Variants in SEPTIN6 observed in about 807,000 individuals in gnomAD.
The protein encoded by SEPTIN6 is septin-6.
A neutral mutation model predicts 33.6 loss-of-function variants in SEPTIN6; 8 were observed. That is an observed-to-expected ratio of 0.24 (90% CI 0.14 to 0.43). The LOEUF (loss-of-function observed/expected upper bound fraction) is 0.43. SEPTIN6 is among the 20% of genes least tolerant of loss of function. The probability of loss-of-function intolerance (pLI) is 1.00; values close to 1 mark genes in which losing one functional copy is unlikely to be tolerated. For synonymous variants in SEPTIN6, 131 were observed against 140.0 expected, an observed-to-expected ratio of 0.94 and a Z score of 0.45; for missense variants, 250 against 340.8, an observed-to-expected ratio of 0.73 and a Z score of 2.10.
chrX:119,619,524 T>C lies in SEPTIN6; in HGVS notation c.*569A>G, dbSNP rs2053714220. 5 of 815,380 alleles carry C rather than the reference T, an allele frequency of 6.1e-6. No homozygotes were observed. In the South Asian group the frequency reaches 3.3e-4, roughly 53 times the overall value. 67.2% of individuals were successfully genotyped at this position (815,380 alleles called of 1,213,427 possible). On this transcript the variant is annotated 3_prime_UTR_variant, in exon 11 of 11. Coordinates refer to ENST00000394610, the MANE Select transcript of SEPTIN6 (RefSeq NM_145799.4). Reference sequence around the variant, plus strand: ...ACTGGAAAGGGCTGGACTCAAAGGTTAGAAGGAAAAGGCGCCAAAGGCTGT... The same window carrying C: ...ACTGGAAAGGGCTGGACTCAAAGGTCAGAAGGAAAAGGCGCCAAAGGCTGT...
chrX:119,624,550 G>A (rs953271527), intron 10 of SEPTIN6, among the ~76,000 whole-genome samples: 5 of 111,101 alleles, frequency 4.5e-5, no homozygotes, highest in African/African-American at 1.3e-4. Context: ...TGCCACCAGC[G>A]GGAAACAGAG....
intron 1 of SEPTIN6, among the ~76,000 whole-genome samples, chrX:119,678,865 C>T (rs1603350703): frequency 9.0e-6 from 1 of 111,615 alleles, no homozygotes. Flanking sequence ...TCAAGTGCTC[C>T]AAAGTCAAAA....
At chrX:119,658,523 C>T (rs2054490203) in intron 3 of SEPTIN6, among the ~76,000 whole-genome samples, 1 of 111,951 alleles carries the variant, frequency 8.9e-6, no homozygotes, top group Admixed American at 9.5e-5. Context: ...TTCTCAGGAG[C>T]ATGTGCAACT....
At chrX:119,638,710 T>C (rs1326486365) in intron 6 of SEPTIN6, among the ~76,000 whole-genome samples, 3 of 111,851 alleles carry the variant, frequency 2.7e-5, no homozygotes, top group Non-Finnish European at 5.6e-5. Flanking sequence ...ATATTAAAGA[T>C]GACATCAGTA....
chrX:119,663,965 GT>G lies in SEPTIN6; in HGVS notation c.146-289del, dbSNP rs960074071. Among the ~76,000 whole-genome samples, 3 of 109,961 alleles carry G rather than the reference GT, an allele frequency of 2.7e-5. 1 individual carries two copies. The highest frequency in any genetic ancestry group is 5.7e-5 in the Non-Finnish European group (3 of 52,512). On this transcript the variant is annotated intron_variant, in intron 2 of 10. Coordinates refer to ENST00000394610, the MANE Select transcript of SEPTIN6 (RefSeq NM_145799.4). ...GGAAATTTTACCTTGAGTATACATT[GT>G]TTTTTTTGTTGTTGTTTGTTTGTTT...
chrX:119,671,500 G>T (rs1012078340), intron 2 of SEPTIN6, among the ~76,000 whole-genome samples: 4 of 110,163 alleles, frequency 3.6e-5, no homozygotes, highest in Non-Finnish European at 7.6e-5. Flanking sequence ...GTGTTAGCCA[G>T]GATGGTCTCG....
chrX:119,676,940 A>C (rs1479428420), intron 1 of SEPTIN6, among the ~76,000 whole-genome samples: 4 of 111,842 alleles, frequency 3.6e-5, no homozygotes, highest in African/African-American at 6.5e-5. Flanking sequence ...TAAACTTCTT[A>C]AGTTTTCCCC....
At chrX:119,643,934 C>T (rs1476696302) in intron 5 of SEPTIN6, among the ~76,000 whole-genome samples, 1 of 111,813 alleles carries the variant, frequency 8.9e-6, no homozygotes, top group Non-Finnish European at 1.9e-5. Context: ...CTCTGTTCCA[C>T]TGCTTTTGAG....
chrX:119,645,737 G>A lies in SEPTIN6; in HGVS notation c.690+4200C>T, dbSNP rs770860431. Reference sequence around the variant, plus strand: ...AGTAGAGACGGGGTTTCACCATGTTGGCCAGGATGGTCTCGATCTCTTGAC... The same window carrying A: ...AGTAGAGACGGGGTTTCACCATGTTAGCCAGGATGGTCTCGATCTCTTGAC... On this transcript the variant is annotated intron_variant, in intron 5 of 10. Transcript: ENST00000394610. Among the ~76,000 whole-genome samples the A allele has an allele frequency of 5.4e-5, 6 of 110,867 alleles. No homozygotes were observed. The East Asian group carries it at 8.5e-4, about 16-fold the overall frequency.
At chrX:119,661,813 A>G (rs774523747) in intron 3 of SEPTIN6, among the ~76,000 whole-genome samples, 14 of 111,604 alleles carry the variant, frequency 1.3e-4, no homozygotes, top group Non-Finnish European at 2.5e-4. Context: ...ATCTCAGCTC[A>G]CTGCAACCCT....
chrX:119,654,911 C>T (rs1351018901), intron 3 of SEPTIN6, among the ~76,000 whole-genome samples: 2 of 111,374 alleles, frequency 1.8e-5, no homozygotes, highest in Admixed American at 1.9e-4. Context: ...AGGTTCCTGA[C>T]GAATTTGGAG....
intron 2 of SEPTIN6, among the ~76,000 whole-genome samples, chrX:119,674,378 C>T (rs1332674560): frequency 7.3e-5 from 8 of 110,120 alleles, no homozygotes; most frequent in African/African-American, 2.6e-4. Flanking sequence ...GGGGTTTCAC[C>T]GTGTTAGCCA....
Position 119,617,900 on chromosome X carries a change from T to C in SEPTIN6, c.*2193A>G. ...GCTGTGTGGGTCTAATACTTTTGAATTATTCAGAGCTTCTCAAGCCTTAAC... is the reference window on the plus strand; with the variant it reads ...GCTGTGTGGGTCTAATACTTTTGAACTATTCAGAGCTTCTCAAGCCTTAAC... On this transcript the variant is annotated 3_prime_UTR_variant, in exon 11 of 11. Coordinates refer to ENST00000394610, the MANE Select transcript of SEPTIN6 (RefSeq NM_145799.4). The C allele has an allele frequency of 2.5e-5, 20 of 802,964 alleles. No homozygotes were observed. The highest frequency in any genetic ancestry group is 2.5e-5 in the Non-Finnish European group (17 of 668,734). 66.2% of individuals were successfully genotyped at this position (802,964 alleles called of 1,213,427 possible).
At chrX:119,636,991 C>T in intron 7 of SEPTIN6, 36 bp downstream of exon 7, 3 of 1,181,658 alleles carry the variant, frequency 2.5e-6, no homozygotes, top group South Asian at 3.8e-5. Flanking sequence ...CTGAGCTGAG[C>T]TGGGCTGGGC....
At chrX:119,669,385 T>C (rs1420683524) in intron 2 of SEPTIN6, among the ~76,000 whole-genome samples, 1 of 112,451 alleles carries the variant, frequency 8.9e-6, no homozygotes, top group Non-Finnish European at 1.9e-5. Flanking sequence ...GTTCTGAATG[T>C]TGAACCCAGA....
chrX:119,639,636 T>A (rs1349239403), intron 6 of SEPTIN6, among the ~76,000 whole-genome samples: 1 of 111,564 alleles, frequency 9.0e-6, no homozygotes, highest in Non-Finnish European at 1.9e-5. Context: ...CTCATCCCCC[T>A]CTATCCCTCA....
At position 119,618,895 on chromosome X, in the gene SEPTIN6, A is replaced by G. The variant is rs950342386; in HGVS notation, c.*1198T>C. 14 of 1,153,592 alleles carry G rather than the reference A, an allele frequency of 1.2e-5. No homozygotes were observed. In the African/African-American group the frequency reaches 2.0e-4, roughly 16 times the overall value. ...ACACCAAAGGCCACTGTGCCTCATA[A>G]CCCTGACAAGGGAGGGCTCTCTACT... On this transcript the variant is annotated 3_prime_UTR_variant, in exon 11 of 11. Transcript: ENST00000394610.
rs749453946 is a variant in SEPTIN6 at position 119,640,684 on chromosome X, T to C, written c.787+8A>G. On this transcript the variant is annotated splice_region_variant and intron_variant, in intron 6 of 10. Transcript: ENST00000394610. Reference sequence around the variant, plus strand: ...CCTGTGTGTAGCCCTTCCCGGAGACTCACTCACCCTGCACAGTGCCCCAAG... The same window carrying C: ...CCTGTGTGTAGCCCTTCCCGGAGACCCACTCACCCTGCACAGTGCCCCAAG... 5.0e-5 allele frequency: 60 copies of C among 1,190,499 alleles called. No homozygotes were observed. The highest frequency in any genetic ancestry group is 6.7e-5 in the Non-Finnish European group (59 of 878,106).
chrX:119,661,458 G>A (rs1346461963), intron 3 of SEPTIN6, among the ~76,000 whole-genome samples: 1 of 111,495 alleles, frequency 9.0e-6, no homozygotes, highest in African/African-American at 3.3e-5. Flanking sequence ...ATAAAAAGAA[G>A]CTACATATAT....
Sources: gnomAD v4.1 joint callset for allele counts (sites outside exome capture counted in the v4.1 genomes callset) on GRCh38, gnomAD v4.1.1 for gene constraint, MANE v1.5 for transcripts, NCBI Gene and HGNC (gene_info 2026-07-23, HGNC 2026-07-21) for gene names.